Variants in MAF observed in about 807,000 individuals in gnomAD.
MAF encodes the protein transcription factor Maf.
In MAF, 10 loss-of-function variants were observed where a neutral mutation model predicts 22.0. That is an observed-to-expected ratio of 0.45 (90% confidence interval 0.28 to 0.77). MAF has a LOEUF of 0.77. MAF is among the 30% of genes least tolerant of loss of function. The pLI, the probability that MAF is intolerant of heterozygous loss-of-function variation, is 0.12. For synonymous variants in MAF, 337 were observed against 255.8 expected (o/e 1.32, Z -3.03); for missense variants, 544 against 548.4 (o/e 0.99, Z 0.08).
the MAF span, among the ~76,000 whole-genome samples, chr16:79,470,725 G>A: frequency 3.3e-5 from 5 of 152,158 alleles, no homozygotes; most frequent in Non-Finnish European, 2.9e-5. Flanking sequence ...GGATTCCATT[G>A]TCCAACACGA....
At chr16:79,547,497 C>T in the MAF span, among the ~76,000 whole-genome samples, 1 of 152,168 alleles carries the variant, frequency 6.6e-6, no homozygotes, top group East Asian at 1.9e-4. Flanking sequence ...CAGCCAACCC[C>T]TGACACACTT....
chr16:79,534,142 A>C, the MAF span, among the ~76,000 whole-genome samples: 5 of 152,230 alleles, frequency 3.3e-5, no homozygotes, highest in Admixed American at 6.5e-5. Context: ...TCAGAAGTAC[A>C]GCTTGTGAAC....
At chr16:79,360,260 T>G in the MAF span, among the ~76,000 whole-genome samples, 2 of 152,228 alleles carry the variant, frequency 1.3e-5, no homozygotes, top group Admixed American at 1.3e-4. Flanking sequence ...TGCCTCATGT[T>G]CTGCTATCCA....
the MAF span, among the ~76,000 whole-genome samples, chr16:79,311,015 T>C: frequency 1.4e-5 from 2 of 145,402 alleles, no homozygotes; most frequent in African/African-American, 5.1e-5. Flanking sequence ...CGGCTGCTTT[T>C]TCATTTTTTT....
At chr16:79,378,619 A>T in the MAF span, among the ~76,000 whole-genome samples, 2 of 152,208 alleles carry the variant, frequency 1.3e-5, no homozygotes, top group Admixed American at 6.5e-5. Context: ...ATAAATGTTT[A>T]CCCATAATCT....
chr16:79,597,545 T>G (rs933913363), intron 1 of MAF: 114 of 1,022,884 alleles, frequency 1.1e-4, no homozygotes, highest in Non-Finnish European at 1.3e-4. Context: ...CCCATTCTGG[T>G]ATCTTTGACA....
chr16:79,594,975 G>A, intron 1 of MAF: 4 of 1,085,644 alleles, frequency 3.7e-6, no homozygotes, highest in Non-Finnish European at 4.5e-6. Flanking sequence ...GGCCTCATTT[G>A]TCATGAGATA....
At chr16:79,301,611 T>G in the MAF span, among the ~76,000 whole-genome samples, 1 of 30,104 alleles carries the variant, frequency 3.3e-5, no homozygotes, top group Admixed American at 3.8e-4. Context: ...TTCATTTAAT[T>G]TATATGCATT....
At chr16:79,356,774 A>T in the MAF span, among the ~76,000 whole-genome samples, 7 of 152,094 alleles carry the variant, frequency 4.6e-5, no homozygotes, top group Admixed American at 3.3e-4. Context: ...TTCTGACCAC[A>T]CCTGGGTCCA....
At chr16:79,232,423 G>C in the MAF span, among the ~76,000 whole-genome samples, 4 of 152,034 alleles carry the variant, frequency 2.6e-5, no homozygotes, top group Non-Finnish European at 5.9e-5. Flanking sequence ...GCAGATTCCA[G>C]AATTTGGAGG....
the MAF span, among the ~76,000 whole-genome samples, chr16:79,233,588 C>A: frequency 6.6e-6 from 1 of 152,074 alleles, no homozygotes; most frequent in African/African-American, 2.4e-5. Flanking sequence ...ACTGTGGGAA[C>A]AGAGATCACA....
the MAF span, among the ~76,000 whole-genome samples, chr16:79,518,157 A>G: frequency 6.6e-6 from 1 of 152,236 alleles, no homozygotes; most frequent in Non-Finnish European, 1.5e-5. Flanking sequence ...GCAGGTGAAG[A>G]AGTAGAGATT....
the MAF span, among the ~76,000 whole-genome samples, chr16:79,452,191 T>G: frequency 6.6e-6 from 1 of 152,146 alleles, no homozygotes; most frequent in Non-Finnish European, 1.5e-5. Context: ...AGAAAAGAAA[T>G]TGCTGACCCC....
chr16:79,279,712 GT>G, the MAF span, among the ~76,000 whole-genome samples: 2 of 152,148 alleles, frequency 1.3e-5, no homozygotes, highest in East Asian at 3.9e-4. Context: ...TCGCGCAGGG[GT>G]TCTCTTACAC....
At chr16:79,597,619 A>T in intron 1 of MAF, 1 of 1,022,436 alleles carries the variant, frequency 9.8e-7, no homozygotes, top group Non-Finnish European at 1.2e-6. Flanking sequence ...TTTGGAGCAG[A>T]TGCAAAATTT....
chr16:79,255,593 C>G, the MAF span, among the ~76,000 whole-genome samples: 1 of 152,204 alleles, frequency 6.6e-6, no homozygotes, highest in Non-Finnish European at 1.5e-5. Context: ...TGTTGGAGCC[C>G]TTAGCTGAGG....
At chr16:79,529,269 T>C in the MAF span, among the ~76,000 whole-genome samples, 1 of 152,324 alleles carries the variant, frequency 6.6e-6, no homozygotes, top group African/African-American at 2.4e-5. Flanking sequence ...GATTATACTT[T>C]GGAGTCAGAT....
chr16:79,259,545 T>C, the MAF span, among the ~76,000 whole-genome samples: 2 of 152,196 alleles, frequency 1.3e-5, no homozygotes, highest in Non-Finnish European at 2.9e-5. Flanking sequence ...TCCCCAGTGC[T>C]AAGAATATGC....
At chr16:79,500,760 A>G in the MAF span, among the ~76,000 whole-genome samples, 1 of 152,206 alleles carries the variant, frequency 6.6e-6, no homozygotes, top group East Asian at 1.9e-4. Flanking sequence ...AAGTACCAGT[A>G]GAGATGCAGA....
Sources: allele counts gnomAD v4.1 joint callset (sites outside exome capture counted in the v4.1 genomes callset), GRCh38; gene constraint gnomAD v4.1.1; transcripts MANE v1.5; gene names NCBI Gene and HGNC (gene_info 2026-07-23, HGNC 2026-07-21).